Variants in KCNQ1 observed in about 807,000 individuals in gnomAD.
KCNQ1 encodes the protein potassium voltage-gated channel subfamily KQT member 1.
In KCNQ1, 49 loss-of-function variants were observed where a neutral mutation model predicts 72.4. The observed-to-expected ratio is 0.68, with a 90% CI of 0.54 to 0.86. The LOEUF is 0.86. KCNQ1 is among the 40% of genes least tolerant of loss of function. The probability of loss-of-function intolerance (pLI) is 0.00; values close to 1 mark genes in which losing one functional copy is unlikely to be tolerated. For synonymous variants in KCNQ1, 450 were observed against 412.6 expected (o/e 1.09, Z -1.10); for missense variants, 790 against 945.1 (o/e 0.84, Z 2.15).
In KCNQ1 at chr11:2,771,194, T is replaced by C. The variant is rs990960910; in HGVS notation, c.1590+2275T>C. Among the ~76,000 whole-genome samples, 71 of 152,340 alleles carry C rather than the reference T, an allele frequency of 4.7e-4. 1 individual carries two copies. The highest frequency in any genetic ancestry group is 1.4e-3 in the African/African-American group (59 of 41,582). On this transcript the variant is annotated intron_variant, in intron 12 of 15. Transcript: ENST00000155840. Reference sequence around the variant, plus strand: ...AGGTCTGGGGGAACCCAGCAGAGCATGCAGACCCTGATGGCTCCTGGGCAG... The same window carrying C: ...AGGTCTGGGGGAACCCAGCAGAGCACGCAGACCCTGATGGCTCCTGGGCAG...
chr11:2,662,861 C>G, intron 11 of KCNQ1: 1 of 398,750 alleles, frequency 2.5e-6, no homozygotes, highest in Non-Finnish European at 4.4e-6. Flanking sequence ...TTCTCTCTAC[C>G]AACATTTTTC....
rs1850433879 is a variant in KCNQ1, at chr11:2,683,504, C to T, written c.1514+21423C>T. On this transcript the variant is annotated intron_variant, in intron 11 of 15. Transcript: ENST00000155840. The surrounding 1 kb of genome is among the most constrained non-coding windows in gnomAD (Gnocchi z 4.7). ...CCTATTAAAACATAACTTGTTAAAG[C>T]ATAGAGCTTAGTTCAGAGTAAACAT... The T allele has an allele frequency of 2.5e-6, 1 of 398,504 alleles. No homozygotes were observed. The highest frequency in any genetic ancestry group is 2.1e-5 in the African/African-American group (1 of 48,626). 24.7% of individuals were successfully genotyped at this position (398,504 alleles called of 1,614,324 possible). A position where few individuals can be genotyped will look rare whatever the true frequency, so the allele number is the denominator to read the frequency against.
rs1210796071 is a variant in KCNQ1, at chr11:2,724,218, A to G, written c.1515-44626A>G. 2.0e-5 allele frequency among the ~76,000 whole-genome samples: 3 copies of G among 152,186 alleles called. No homozygotes were observed. Among genetic ancestry groups the G allele is most frequent in the Non-Finnish European group, 4.4e-5 (3 of 68,026 alleles). Reference sequence around the variant, plus strand: ...ACAGATCCAGGCTCAGATGATATACAGTCCTCCTCCCGGCTCAGGACCCCT... The same window carrying G: ...ACAGATCCAGGCTCAGATGATATACGGTCCTCCTCCCGGCTCAGGACCCCT... On this transcript the variant is annotated intron_variant, in intron 11 of 15. Transcript: ENST00000155840. This position sits in a 1 kb window ranked among gnomAD's most constrained non-coding sequence, Gnocchi z 6.8.
rs1849602232 is a variant in KCNQ1 at position 2,642,886 on chromosome 11, AT to A, written c.1394-19069del. ...CTTCTATTTTCACTTGTTTCAGTAA[AT>A]TTTTTATTTCTGCCTTAATTTCTTC... On this transcript the variant is annotated intron_variant, in intron 10 of 15. Coordinates refer to ENST00000155840, the MANE Select transcript of KCNQ1 (RefSeq NM_000218.3). This position sits in a 1 kb window ranked among gnomAD's most constrained non-coding sequence, Gnocchi z 4.3. 3 of 397,770 alleles carry A rather than the reference AT, an allele frequency of 7.5e-6. No homozygotes were observed. Among genetic ancestry groups the A allele is most frequent in the Non-Finnish European group, 1.3e-5 (3 of 225,650 alleles). The allele number at this position is 397,770 out of a possible 1,614,324, so 24.6% of individuals were successfully genotyped here. A position where few individuals can be genotyped will look rare whatever the true frequency, so the allele number is the denominator to read the frequency against.
chr11:2,610,854 T>C (rs1405692628), intron 10 of KCNQ1: 3 of 398,000 alleles, frequency 7.5e-6, no homozygotes, highest in Non-Finnish European at 1.3e-5. Flanking sequence ...GGGAGGGTAT[T>C]AAGCAGAGTG....
At position 2,783,808 on chromosome 11, in the gene KCNQ1, G is replaced by A. The variant is rs953997387; in HGVS notation, c.1794+5771G>A. On this transcript the variant is annotated intron_variant, in intron 15 of 15. Transcript: ENST00000155840. The surrounding 1 kb of genome is among the most constrained non-coding windows in gnomAD (Gnocchi z 5.2). ...CATTCATAGTCTTCTTTGGTGAAAT[G>A]TTTATTCAACTCTCTTGCCCATTTT... Among the ~76,000 whole-genome samples, 2 of 151,986 alleles carry A rather than the reference G, an allele frequency of 1.3e-5. No homozygotes were observed. Among genetic ancestry groups the A allele is most frequent in the African/African-American group, 4.8e-5 (2 of 41,430 alleles).
At chr11:2,532,304 C>T (rs1318016356) in intron 2 of KCNQ1, among the ~76,000 whole-genome samples, 2 of 152,232 alleles carry the variant, frequency 1.3e-5, no homozygotes, top group African/African-American at 4.8e-5. Context: ...GCATCAAATG[C>T]ATAGGCCAGA....
chr11:2,528,920 C>T (rs1203208612), intron 2 of KCNQ1, among the ~76,000 whole-genome samples: 2 of 152,156 alleles, frequency 1.3e-5, no homozygotes, highest in South Asian at 2.1e-4. Flanking sequence ...CTAGGGAGTC[C>T]GTTTTACCTT....
rs918174181 is a variant in KCNQ1, at chr11:2,538,134, G to A, written c.477+10116G>A. On this transcript the variant is annotated intron_variant, in intron 2 of 15. Transcript: ENST00000155840. The surrounding 1 kb of genome is among the most constrained non-coding windows in gnomAD (Gnocchi z 6.7). ...GACCTTCAACTTAGCCAGGGTGTCCGACTCTCAGGACACCGCTGTCCATTT... is the reference window on the plus strand; with the variant it reads ...GACCTTCAACTTAGCCAGGGTGTCCAACTCTCAGGACACCGCTGTCCATTT... Among the ~76,000 whole-genome samples, 2 of 152,220 alleles carry A rather than the reference G, an allele frequency of 1.3e-5. No individual in the cohort carries two copies. The highest frequency in any genetic ancestry group is 6.5e-5 in the Admixed American group (1 of 15,282).
At chr11:2,583,616 T>C (rs1589965468) in intron 7 of KCNQ1, 71 bp downstream of exon 7, 1 of 1,036,468 alleles carries the variant, frequency 9.6e-7, no homozygotes, top group Non-Finnish European at 1.5e-6. Context: ...TGCACGCCCC[T>C]CCCTGTGAGC....
intron 1 of KCNQ1, among the ~76,000 whole-genome samples, chr11:2,466,708 T>G (rs1263794634): frequency 3.3e-5 from 5 of 152,192 alleles, no homozygotes; most frequent in African/African-American, 1.2e-4. Flanking sequence ...CCAGGGGGCC[T>G]CCTGCCAGGT....
In KCNQ1 at chr11:2,849,057, C is replaced by A. The variant is rs1393517809; in HGVS notation, c.*1054C>A. On this transcript the variant is annotated 3_prime_UTR_variant, in exon 16 of 16. Transcript: ENST00000155840. The stretch of plus-strand genomic sequence containing the variant: ...TCCATGGGGTCTCTCACAGACAGGA[C>A]CCCTGCAGTTCCCCTGGAAGCAGTG... 1 of 454,132 alleles carries A rather than the reference C, an allele frequency of 2.2e-6. No individual in the cohort carries two copies. The highest frequency in any genetic ancestry group is 2.3e-5 in the Admixed American group (1 of 42,578). The allele number at this position is 454,132 out of a possible 1,614,324, so 28.1% of individuals were successfully genotyped here.
chr11:2,718,746 G>A (rs936780365), intron 11 of KCNQ1, among the ~76,000 whole-genome samples: 8 of 152,202 alleles, frequency 5.3e-5, no homozygotes, highest in Non-Finnish European at 7.3e-5. Context: ...TAATGTCCAC[G>A]CTGGTGTTGA....
Position 2,633,864 on chromosome 11 carries a change from C to T in KCNQ1, c.1394-28097C>T. ...GTCAGCCCTGTGTAATGCGCATATACAAAATGTCAGTCATCTGTATACATA... is the reference window on the plus strand; with the variant it reads ...GTCAGCCCTGTGTAATGCGCATATATAAAATGTCAGTCATCTGTATACATA... On this transcript the variant is annotated intron_variant, in intron 10 of 15. Coordinates refer to ENST00000155840, the MANE Select transcript of KCNQ1 (RefSeq NM_000218.3). 6 of 398,572 alleles carry T rather than the reference C, an allele frequency of 1.5e-5. 1 individual carries two copies. The highest frequency in any genetic ancestry group is 2.7e-5 in the Non-Finnish European group (6 of 226,054). The allele number at this position is 398,572 out of a possible 1,614,324, so 24.7% of individuals were successfully genotyped here. A position where few individuals can be genotyped will look rare whatever the true frequency, so the allele number is the denominator to read the frequency against.
intron 11 of KCNQ1, among the ~76,000 whole-genome samples, chr11:2,742,071 G>C (rs1375954771): frequency 1.3e-5 from 2 of 152,256 alleles, no homozygotes; most frequent in Non-Finnish European, 2.9e-5. Context: ...GCTGCGACAT[G>C]GTTAGGTTTT....
In KCNQ1 at chr11:2,565,932, C is replaced by G. The variant is rs1039579281; in HGVS notation, c.478-4696C>G. Among the ~76,000 whole-genome samples the G allele has an allele frequency of 2.0e-5, 3 of 152,076 alleles. No homozygotes were observed. The highest frequency in any genetic ancestry group is 7.2e-5 in the African/African-American group (3 of 41,406). ...TGGTGGCTCTTGTGCCTGCACCCGCCTTGGGGCCATCTGACACCCACACCC... is the reference window on the plus strand; with the variant it reads ...TGGTGGCTCTTGTGCCTGCACCCGCGTTGGGGCCATCTGACACCCACACCC... On this transcript the variant is annotated intron_variant, in intron 2 of 15. Coordinates refer to ENST00000155840, the MANE Select transcript of KCNQ1 (RefSeq NM_000218.3). The surrounding 1 kb of genome is among the most constrained non-coding windows in gnomAD (Gnocchi z 5.6).
In KCNQ1 at chr11:2,536,020, C is replaced by T. The variant is rs375227641; in HGVS notation, c.477+8002C>T. 1.1e-4 allele frequency among the ~76,000 whole-genome samples: 16 copies of T among 152,140 alleles called. No homozygotes were observed. The highest frequency in any genetic ancestry group is 3.9e-4 in the Admixed American group (6 of 15,290). On this transcript the variant is annotated intron_variant, in intron 2 of 15. Coordinates refer to ENST00000155840, the MANE Select transcript of KCNQ1 (RefSeq NM_000218.3). The surrounding 1 kb of genome is among the most constrained non-coding windows in gnomAD (Gnocchi z 7.4). ...TGAAGACCCGGTGGTTCTGTTCCCC[C>T]GGGACAGCCTTGGTCCAGCCTCACT...
In KCNQ1 at chr11:2,735,110, T is replaced by C. The variant is rs1325001018; in HGVS notation, c.1515-33734T>C. On this transcript the variant is annotated intron_variant, in intron 11 of 15. Transcript: ENST00000155840. This position sits in a 1 kb window ranked among gnomAD's most constrained non-coding sequence, Gnocchi z 7.7. ...GCTGTCAGCGCGCATCTGGCTTACA[T>C]TGAACTCCCCCATAAAACGTGTGAA... 2.0e-5 allele frequency among the ~76,000 whole-genome samples: 3 copies of C among 152,098 alleles called. No homozygotes were observed. Among genetic ancestry groups the C allele is most frequent in the Admixed American group, 1.3e-4 (2 of 15,286 alleles).
At chr11:2,681,327 C>T (rs1850392811) in intron 11 of KCNQ1, 1 of 398,506 alleles carries the variant, frequency 2.5e-6, no homozygotes, top group Non-Finnish European at 4.4e-6. Context: ...CTCTCTCCAA[C>T]TGTGACCGTC....
Sources: allele counts gnomAD v4.1 joint callset (sites outside exome capture counted in the v4.1 genomes callset), GRCh38; gene constraint gnomAD v4.1.1; non-coding constraint Gnocchi (gnomAD v3.1); transcripts MANE v1.5; gene names NCBI Gene and HGNC (gene_info 2026-07-23, HGNC 2026-07-21).